Variants in ROBO1 observed in about 807,000 individuals in gnomAD.
The protein encoded by ROBO1 is roundabout guidance receptor 1.
Under a neutral mutation model 195.9 loss-of-function variants are expected in ROBO1, and 149 were observed. That is an observed-to-expected ratio of 0.76 (90% CI 0.67 to 0.87). The LOEUF (loss-of-function observed/expected upper bound fraction) is 0.87, where lower values mean the gene tolerates loss of function less well. Ranked by LOEUF, ROBO1 falls within the 40% of genes least tolerant of loss-of-function variation. The pLI is 0.00. For missense variants in ROBO1, 1,933 were observed against 2,068.3 expected (o/e 0.93, Z 1.27); for synonymous variants, 816 against 733.2 (o/e 1.11, Z -1.82).
rs759536260 is a variant in ROBO1, at chr3:78,602,467, C to T, written c.4745-2158G>A. Among the ~76,000 whole-genome samples, 206 of 152,146 alleles carry T rather than the reference C, an allele frequency of 1.4e-3. 4 individuals are homozygous for T. The highest frequency in any genetic ancestry group is 6.0e-4 in the Non-Finnish European group (41 of 67,996). ...TAAATCTCTTTCTTTTATAAATTAC[C>T]CAGTCTCAGGTTTTTCTTTATAGAA... On this transcript the variant is annotated intron_variant, in intron 29 of 30. Coordinates refer to ENST00000464233, the MANE Select transcript of ROBO1 (RefSeq NM_002941.4).
rs560584174 is a variant in ROBO1 at position 78,756,242 on chromosome 3, T to C, written c.500-9342A>G. ...AACAAAAAACACTCAGTTATTTTGA[T>C]TGGAAAATGAAAATAACTCAAAACG... On this transcript the variant is annotated intron_variant, in intron 4 of 30. Transcript: ENST00000464233. Among the ~76,000 whole-genome samples the C allele has an allele frequency of 8.7e-4, 132 of 152,224 alleles. 1 individual carries two copies. The highest frequency in any genetic ancestry group is 3.4e-3 in the Middle Eastern group (1 of 294).
chr3:79,476,597 A>G (rs1171710198), intron 2 of ROBO1, among the ~76,000 whole-genome samples: 3 of 152,154 alleles, frequency 2.0e-5, no homozygotes, highest in Admixed American at 6.6e-5. Flanking sequence ...AAGGAACGAC[A>G]TAATGGCATT....
chr3:79,525,016 A>AT (rs748823979), intron 2 of ROBO1, among the ~76,000 whole-genome samples: 23 of 152,054 alleles, frequency 1.5e-4, no homozygotes, highest in Non-Finnish European at 2.8e-4. Flanking sequence ...TTTCAGACAT[A>AT]TCTATTAAAT....
chr3:79,169,154 G>A (rs1055827861), intron 2 of ROBO1, among the ~76,000 whole-genome samples: 3 of 152,120 alleles, frequency 2.0e-5, no homozygotes, highest in African/African-American at 7.2e-5. Context: ...GTGGACTATT[G>A]ATGACTGGGA....
chr3:78,638,886 C>T (rs984465889), intron 22 of ROBO1, among the ~76,000 whole-genome samples: 38 of 151,576 alleles, frequency 2.5e-4, no homozygotes, highest in Admixed American at 6.6e-4. Context: ...AAACAACAAA[C>T]AAGCAAAAAA....
intron 4 of ROBO1, among the ~76,000 whole-genome samples, chr3:78,769,455 G>A (rs761867406): frequency 3.9e-5 from 6 of 152,040 alleles, no homozygotes; most frequent in Non-Finnish European, 8.8e-5. Flanking sequence ...GTCCTTTTGT[G>A]TTAGGTGAGT....
intron 1 of ROBO1, among the ~76,000 whole-genome samples, chr3:79,751,723 C>A (rs1481839738): frequency 5.9e-5 from 9 of 152,042 alleles, no homozygotes; most frequent in Non-Finnish European, 1.0e-4. Context: ...TGGGCATGGG[C>A]TTACAAAGCA....
chr3:78,783,105 A>C (rs2108491242), intron 4 of ROBO1, among the ~76,000 whole-genome samples: 1 of 151,958 alleles, frequency 6.6e-6, no homozygotes, highest in East Asian at 1.9e-4. Flanking sequence ...TATTTGTGTA[A>C]ATGTTAAGGG....
chr3:78,960,408 A>T (rs1400953558), intron 3 of ROBO1, among the ~76,000 whole-genome samples: 1 of 150,556 alleles, frequency 6.6e-6, no homozygotes, highest in Non-Finnish European at 1.5e-5. Flanking sequence ...CTATATTTCT[A>T]TGTATTATAC....
intron 10 of ROBO1, among the ~76,000 whole-genome samples, chr3:78,678,105 A>G (rs1416299749): frequency 1.3e-5 from 2 of 152,158 alleles, no homozygotes; most frequent in Admixed American, 1.3e-4. Context: ...AGGCAGACAT[A>G]AAGATGTTCT....
chr3:79,766,311 G>A (rs1704987625), intron 1 of ROBO1, among the ~76,000 whole-genome samples: 1 of 151,346 alleles, frequency 6.6e-6, no homozygotes, highest in Non-Finnish European at 1.5e-5. Context: ...TTCCCCCTTC[G>A]TGTCCTTTTT....
rs183306238 is a variant in ROBO1, at chr3:79,073,407, G to T, written c.172+52049C>A. ...AAGATCTGTGGGAGTGCTCTAAATGGATATGGGAACCATCAAGAATAATAA... is the reference window on the plus strand; with the variant it reads ...AAGATCTGTGGGAGTGCTCTAAATGTATATGGGAACCATCAAGAATAATAA... On this transcript the variant is annotated intron_variant, in intron 3 of 30. Coordinates refer to ENST00000464233, the MANE Select transcript of ROBO1 (RefSeq NM_002941.4). 5.1e-4 allele frequency among the ~76,000 whole-genome samples: 78 copies of T among 151,980 alleles called. 1 individual carries two copies. The highest frequency in any genetic ancestry group is 1.7e-3 in the African/African-American group (70 of 41,500).
intron 3 of ROBO1, among the ~76,000 whole-genome samples, chr3:78,965,165 A>G (rs1181832195): frequency 1.3e-5 from 2 of 152,058 alleles, no homozygotes; most frequent in African/African-American, 4.8e-5. Context: ...ATTATAATCA[A>G]TAATTATAAT....
rs550646264 is a variant in ROBO1, at chr3:79,641,879, C to T, written c.-50-51918G>A. Among the ~76,000 whole-genome samples the T allele has an allele frequency of 2.6e-5, 4 of 152,038 alleles. No individual in the cohort carries two copies. The South Asian group carries it at 8.3e-4, about 32-fold the overall frequency. On this transcript the variant is annotated intron_variant, in intron 1 of 30. Coordinates refer to ENST00000464233, the MANE Select transcript of ROBO1 (RefSeq NM_002941.4). ...TAAAAATATACAAAACTTAGCCAGG[C>T]ATGAGGCCTGGTACCTGTAGTCCCA...
intron 2 of ROBO1, among the ~76,000 whole-genome samples, chr3:79,217,105 T>C (rs1488622055): frequency 6.6e-6 from 1 of 152,108 alleles, no homozygotes; most frequent in Non-Finnish European, 1.5e-5. Context: ...TGATTAACTG[T>C]CAGTTACATA....
At chr3:79,750,208 G>A (rs1374502097) in intron 1 of ROBO1, among the ~76,000 whole-genome samples, 1 of 152,182 alleles carries the variant, frequency 6.6e-6, no homozygotes, top group Non-Finnish European at 1.5e-5. Flanking sequence ...GGGGGCTGTG[G>A]CCCCTTTGTT....
intron 1 of ROBO1, among the ~76,000 whole-genome samples, chr3:79,688,256 T>C (rs1203412133): frequency 2.7e-5 from 4 of 148,468 alleles, no homozygotes; most frequent in Non-Finnish European, 6.0e-5. Flanking sequence ...CATTAGGAGA[T>C]ATACCTAATG....
intron 2 of ROBO1, among the ~76,000 whole-genome samples, chr3:79,463,793 C>G (rs931729555): frequency 6.6e-6 from 1 of 152,162 alleles, no homozygotes; most frequent in African/African-American, 2.4e-5. Context: ...ATGTAATTCA[C>G]AAACCTCTCA....
At chr3:78,880,201 C>T (rs1467823124) in intron 4 of ROBO1, among the ~76,000 whole-genome samples, 1 of 152,062 alleles carries the variant, frequency 6.6e-6, no homozygotes, top group Non-Finnish European at 1.5e-5. Flanking sequence ...AAACTTTAAA[C>T]TTTAAAGACC....
Sources: allele counts gnomAD v4.1 joint callset (sites outside exome capture counted in the v4.1 genomes callset), GRCh38; gene constraint gnomAD v4.1.1; transcripts MANE v1.5; gene names NCBI Gene and HGNC (gene_info 2026-07-23, HGNC 2026-07-21).